Variants in KIAA0040 observed in about 807,000 individuals in gnomAD.
The protein encoded by KIAA0040 is uncharacterized protein KIAA0040.
A neutral mutation model predicts 7.2 loss-of-function variants in KIAA0040; 10 were observed. The observed-to-expected ratio is 1.38, with a 90% confidence interval of 0.85 to 2.34. KIAA0040 has a LOEUF of 2.34. Among genes scored for constraint, KIAA0040 ranks in the 30% most tolerant of loss-of-function variants. KIAA0040 has a pLI of 0.00. For synonymous variants in KIAA0040, 49 were observed against 40.1 expected (o/e 1.22, Z -0.84); for missense variants, 89 against 108.2 (o/e 0.82, Z 0.79).
intron 3 of KIAA0040, among the ~76,000 whole-genome samples, chr1:175,165,437 A>G (rs1030860101): frequency 6.6e-6 from 1 of 152,246 alleles, no homozygotes; most frequent in African/African-American, 2.4e-5. Context: ...CAATGGACTA[A>G]TTCCAGTGCT....
rs367991201 is a variant in KIAA0040, at chr1:175,168,097, C to A, written c.-309-1360G>T. ...CACTTCAGAAACCAAGGCTCTCTGG[C>A]AGCGAGGGCACAGAGTGGAACCTCA... On this transcript the variant is annotated intron_variant, in intron 2 of 3. Transcript: ENST00000423313. Among the ~76,000 whole-genome samples the A allele has an allele frequency of 5.9e-5, 9 of 152,286 alleles. No individual in the cohort carries two copies. In the South Asian group the frequency reaches 1.5e-3, roughly 25 times the overall value.
intron 3 of KIAA0040, among the ~76,000 whole-genome samples, chr1:175,165,503 T>C (rs1313359238): frequency 6.6e-6 from 1 of 152,216 alleles, no homozygotes; most frequent in African/African-American, 2.4e-5. Flanking sequence ...CAAAGAACCA[T>C]GGGTCCCCAC....
intron 1 of KIAA0040, among the ~76,000 whole-genome samples, chr1:175,179,934 A>G (rs1337606587): frequency 6.6e-6 from 1 of 152,204 alleles, no homozygotes; most frequent in Non-Finnish European, 1.5e-5. Flanking sequence ...AAATGCAACA[A>G]TGAGGGCAGC....
At chr1:175,168,265 T>C (rs982697526) in intron 2 of KIAA0040, among the ~76,000 whole-genome samples, 4 of 152,234 alleles carry the variant, frequency 2.6e-5, no homozygotes, top group African/African-American at 7.2e-5. Context: ...AATGATCTGC[T>C]TGTAGAACAT....
intron 1 of KIAA0040, among the ~76,000 whole-genome samples, chr1:175,184,826 G>A (rs1383501665): frequency 6.6e-6 from 1 of 152,164 alleles, no homozygotes; most frequent in Non-Finnish European, 1.5e-5. Context: ...CTATCTCTGT[G>A]TCCCTGTCAT....
Position 175,158,758 on chromosome 1 carries a change from C to T in KIAA0040, c.*1956G>A, listed in dbSNP as rs1211319284. ...GGTTGATGAGTGGGAGGCCTGAGTG[C>T]TTAGGCAGTTTATGGCCATATAGGG... is the stretch of plus-strand genomic sequence containing the variant. On this transcript the variant is annotated 3_prime_UTR_variant, in exon 4 of 4. Coordinates refer to ENST00000423313, the MANE Select transcript of KIAA0040 (RefSeq NM_014656.3). 6.6e-6 allele frequency: 1 copy of T among 152,100 alleles called. No individual in the cohort carries two copies. Among genetic ancestry groups the T allele is most frequent in the African/African-American group, 2.4e-5 (1 of 41,402 alleles). The allele number at this position is 152,100 out of a possible 1,614,324, so 9.4% of individuals were successfully genotyped here.
At chr1:175,173,445 C>T (rs995214909) in intron 2 of KIAA0040, among the ~76,000 whole-genome samples, 8 of 152,246 alleles carry the variant, frequency 5.3e-5, no homozygotes, top group African/African-American at 1.7e-4. Context: ...AAGAGATAGG[C>T]TTTTTTTCTA....
intron 1 of KIAA0040, among the ~76,000 whole-genome samples, chr1:175,187,191 G>A (rs1300281295): frequency 6.6e-6 from 1 of 152,208 alleles, no homozygotes; most frequent in African/African-American, 2.4e-5. Flanking sequence ...TGGTAGGGGT[G>A]GGCAGGATTG....
At chr1:175,189,775 T>C (rs1353584591) in intron 1 of KIAA0040, among the ~76,000 whole-genome samples, 1 of 152,232 alleles carries the variant, frequency 6.6e-6, no homozygotes, top group Non-Finnish European at 1.5e-5. Context: ...TCCTTTTCAA[T>C]TTGATTCTGA....
chr1:175,177,836 A>G (rs1677264147), intron 1 of KIAA0040, among the ~76,000 whole-genome samples, 152 bp from the exon 2 acceptor site: 1 of 152,198 alleles, frequency 6.6e-6, no homozygotes, highest in South Asian at 2.1e-4. Flanking sequence ...TTAAACCAAC[A>G]ACTGGAAGTG....
At chr1:175,161,699 C>T (rs1306760605) in intron 3 of KIAA0040, among the ~76,000 whole-genome samples, 1 of 152,160 alleles carries the variant, frequency 6.6e-6, no homozygotes, top group East Asian at 1.9e-4. Flanking sequence ...CAGTCCTCAT[C>T]CTGCCCCATG....
intron 1 of KIAA0040, among the ~76,000 whole-genome samples, chr1:175,190,053 G>A (rs1194438349): frequency 6.6e-6 from 1 of 152,200 alleles, no homozygotes; most frequent in East Asian, 1.9e-4. Context: ...ATGAAGTCAG[G>A]ACTCTCCCAC....
intron 1 of KIAA0040, 27 bp downstream of exon 1, chr1:175,192,613 A>C (rs985698518): frequency 6.6e-6 from 1 of 152,206 alleles, no homozygotes; most frequent in Admixed American, 6.5e-5. Flanking sequence ...ATTTTTAAAA[A>C]ACATAACAGA....
intron 3 of KIAA0040, among the ~76,000 whole-genome samples, chr1:175,165,374 G>A (rs1305075683): frequency 6.6e-6 from 1 of 152,172 alleles, no homozygotes; most frequent in Non-Finnish European, 1.5e-5. Context: ...TTCTGTAACT[G>A]TAAAATACTT....
chr1:175,161,299 G>C (rs1241689879), intron 3 of KIAA0040, among the ~76,000 whole-genome samples, 153 bp from the exon 4 acceptor site: 1 of 152,206 alleles, frequency 6.6e-6, no homozygotes, highest in Non-Finnish European at 1.5e-5. Context: ...CAAGATAAAT[G>C]CATGCATGTA....
chr1:175,187,310 T>C (rs926246259), intron 1 of KIAA0040, among the ~76,000 whole-genome samples: 3 of 152,222 alleles, frequency 2.0e-5, no homozygotes, highest in African/African-American at 7.2e-5. Flanking sequence ...GTTTGTTTAC[T>C]GTGGGTTCCA....
chr1:175,163,441 C>T (rs1676628656), intron 3 of KIAA0040, among the ~76,000 whole-genome samples: 1 of 152,232 alleles, frequency 6.6e-6, no homozygotes, highest in Non-Finnish European at 1.5e-5. Context: ...CATGTCCTCT[C>T]ATCCAAGGCT....
At chr1:175,190,715 T>TTAAATTATC (rs1677836224) in intron 1 of KIAA0040, among the ~76,000 whole-genome samples, 1 of 152,220 alleles carries the variant, frequency 6.6e-6, no homozygotes, top group African/African-American at 2.4e-5. Flanking sequence ...AGCTGAGGTC[T>TTAAATTATC]TAATTATCTC....
At chr1:175,166,079 T>G (rs1458141509) in intron 3 of KIAA0040, among the ~76,000 whole-genome samples, 1 of 151,556 alleles carries the variant, frequency 6.6e-6, no homozygotes, top group Non-Finnish European at 1.5e-5. Flanking sequence ...TAGGGGGAGG[T>G]GGGAGGTTCA....
Sources: gnomAD v4.1 joint callset for allele counts (sites outside exome capture counted in the v4.1 genomes callset) on GRCh38, gnomAD v4.1.1 for gene constraint, MANE v1.5 for transcripts, NCBI Gene and HGNC (gene_info 2026-07-23, HGNC 2026-07-21) for gene names.